Variants in MED13L observed in about 807,000 individuals in gnomAD.
MED13L encodes the protein mediator of RNA polymerase II transcription subunit 13-like.
MED13L carries 7 observed loss-of-function variants against 220.9 expected under a neutral mutation model. That is an observed-to-expected ratio of 0.03 (90% CI 0.02 to 0.06). The LOEUF is 0.06. Ranked by LOEUF, MED13L falls within the 10% of genes least tolerant of loss-of-function variation. MED13L has a pLI of 1.00. For synonymous variants in MED13L, 1,011 were observed against 1,015.2 expected (o/e 1.00, Z 0.08); for missense variants, 1,965 against 2,760.5 (o/e 0.71, Z 6.46).
At chr12:116,101,467 C>T (rs556551277) in intron 3 of MED13L, among the ~76,000 whole-genome samples, 5 of 152,258 alleles carry the variant, frequency 3.3e-5, no homozygotes, top group South Asian at 2.1e-4. Context: ...TCACTAATCA[C>T]GGGTAGTCTT....
At chr12:115,970,334 G>A (rs1184808576) in intron 27 of MED13L, among the ~76,000 whole-genome samples, 6 of 152,164 alleles carry the variant, frequency 3.9e-5, no homozygotes, top group Non-Finnish European at 5.9e-5. Flanking sequence ...ACAGTGCCAC[G>A]CAGGTATTAT....
intron 2 of MED13L, among the ~76,000 whole-genome samples, chr12:116,114,779 A>G (rs1483379517): frequency 6.6e-6 from 1 of 152,242 alleles, no homozygotes; most frequent in Non-Finnish European, 1.5e-5. Context: ...CAAGGTCAAC[A>G]GACAAAAAAC....
At chr12:116,229,302 T>G (rs1372901626) in intron 2 of MED13L, among the ~76,000 whole-genome samples, 4 of 152,228 alleles carry the variant, frequency 2.6e-5, no homozygotes, top group Non-Finnish European at 5.9e-5. Flanking sequence ...TCAACACTAT[T>G]TGTTCCAATG....
chr12:116,220,842 T>C (rs1883266468), intron 2 of MED13L, among the ~76,000 whole-genome samples: 1 of 152,186 alleles, frequency 6.6e-6, no homozygotes, highest in Admixed American at 6.5e-5. Context: ...TACTTAGTCT[T>C]ATGAAAACCA....
intron 2 of MED13L, among the ~76,000 whole-genome samples, chr12:116,128,320 G>A (rs925937258): frequency 2.6e-5 from 4 of 151,790 alleles, no homozygotes; most frequent in East Asian, 3.9e-4. Context: ...TTTATACTAC[G>A]CAAAATAGCC....
intron 4 of MED13L, among the ~76,000 whole-genome samples, chr12:116,075,937 G>T (rs546226829): frequency 5.9e-4 from 86 of 144,764 alleles, no homozygotes; most frequent in Admixed American, 5.9e-3. Flanking sequence ...TTTTTGAGAC[G>T]GAGTCTCGCT....
Position 116,033,878 on chromosome 12 carries a change from G to A in MED13L, c.480-11277C>T, listed in dbSNP as rs191954753. ...CACAACATAAACCTATTCCCTCCTG[G>A]CAATTACTGTAAAAAGGAAACATTC... On this transcript the variant is annotated intron_variant, in intron 4 of 30. Transcript: ENST00000281928. Among the ~76,000 whole-genome samples the A allele has an allele frequency of 4.6e-5, 7 of 152,086 alleles. No individual in the cohort carries two copies. The East Asian group carries it at 1.4e-3, about 29-fold the overall frequency.
In MED13L at chr12:116,008,499, G is replaced by C; in HGVS notation, c.1914C>G (p.Leu638=). The C allele has an allele frequency of 6.2e-7, 1 of 1,613,770 alleles. No homozygotes were observed. The highest frequency in any genetic ancestry group is 8.5e-7 in the Non-Finnish European group (1 of 1,179,980). ...TGAACTCAGCATCATCACTGGGTGG[G>C]AGACGATAACTATGCCACCACTTTT... ...SSEKWWHSYR[L]PPSDDAEFRP... Residue 638 remains leucine (L), a synonymous_variant, in exon 10 of 31, where the codon CTC becomes CTG. Transcript: ENST00000281928.
At chr12:116,276,204 C>T (rs1873803471) in intron 1 of MED13L, among the ~76,000 whole-genome samples, 1 of 151,802 alleles carries the variant, frequency 6.6e-6, no homozygotes, top group African/African-American at 2.4e-5. Flanking sequence ...TTAAGGCAGG[C>T]GATTCAAATC....
At chr12:116,216,476 A>G (rs568110576) in intron 2 of MED13L, among the ~76,000 whole-genome samples, 2 of 152,298 alleles carry the variant, frequency 1.3e-5, no homozygotes, top group South Asian at 4.1e-4. Context: ...CACTCCTACT[A>G]GCATCTAAAC....
In MED13L at chr12:116,277,246, C is replaced by A. The variant is rs1183948371; in HGVS notation, c.-115G>T. The A allele has an allele frequency of 5.0e-6, 2 of 397,658 alleles. No individual in the cohort carries two copies. The highest frequency in any genetic ancestry group is 2.2e-5 in the African/African-American group (1 of 45,144). 24.6% of individuals were successfully genotyped at this position (397,658 alleles called of 1,614,324 possible). The stretch of plus-strand genomic sequence containing the variant: ...GAGCGCGGGGCGGCCGGGCCGCCGC[C>A]GCCGCCGGGGGAGGGCGCGAGGGCC... On this transcript the variant is annotated 5_prime_UTR_variant, in exon 1 of 31. Coordinates refer to ENST00000281928, the MANE Select transcript of MED13L (RefSeq NM_015335.5).
chr12:116,241,528 G>C (rs1392275830), intron 1 of MED13L, among the ~76,000 whole-genome samples: 1 of 152,140 alleles, frequency 6.6e-6, no homozygotes, highest in African/African-American at 2.4e-5. Context: ...CAGTAGAGCA[G>C]ACAAAATATT....
chr12:116,159,113 GT>G (rs1165107693), intron 2 of MED13L, among the ~76,000 whole-genome samples: 1 of 152,048 alleles, frequency 6.6e-6, no homozygotes, highest in African/African-American at 2.4e-5. Flanking sequence ...GTTTTTCTAA[GT>G]TTTAAAACAA....
At chr12:116,140,273 A>T (rs1001939814) in intron 2 of MED13L, among the ~76,000 whole-genome samples, 15 of 152,166 alleles carry the variant, frequency 9.9e-5, no homozygotes, top group African/African-American at 3.6e-4. Flanking sequence ...ATTCCCAATT[A>T]GAGTGTAAGT....
chr12:116,224,112 A>G (rs1341397338), intron 2 of MED13L, among the ~76,000 whole-genome samples: 1 of 152,172 alleles, frequency 6.6e-6, no homozygotes, highest in African/African-American at 2.4e-5. Context: ...CTATCCCCAT[A>G]CAGTTTATAA....
chr12:116,127,004 A>T (rs920903235), intron 2 of MED13L, among the ~76,000 whole-genome samples: 14 of 152,074 alleles, frequency 9.2e-5, no homozygotes, highest in African/African-American at 2.7e-4. Context: ...AAATATATAT[A>T]TTTTCCAAAT....
chr12:115,992,443 GAGGCTATA>G, intron 16 of MED13L, among the ~76,000 whole-genome samples: 1 of 151,776 alleles, frequency 6.6e-6, no homozygotes, highest in East Asian at 1.9e-4. Context: ...CTTGTTCTCT[GAGGCTATA>G]ATCTATATAT....
At chr12:116,186,210 T>A (rs572587580) in intron 2 of MED13L, among the ~76,000 whole-genome samples, 1 of 152,226 alleles carries the variant, frequency 6.6e-6, no homozygotes, top group Non-Finnish European at 1.5e-5. Flanking sequence ...AAACATCATT[T>A]TATATATAGC....
intron 17 of MED13L, among the ~76,000 whole-genome samples, chr12:115,988,702 A>C (rs1565995706): frequency 6.6e-6 from 1 of 152,214 alleles, no homozygotes; most frequent in Non-Finnish European, 1.5e-5. Context: ...GTCTCCCATC[A>C]CATTCATTTA....
Sources: gnomAD v4.1 joint callset for allele counts (sites outside exome capture counted in the v4.1 genomes callset) on GRCh38, gnomAD v4.1.1 for gene constraint, MANE v1.5 for transcripts, NCBI Gene and HGNC (gene_info 2026-07-23, HGNC 2026-07-21) for gene names.